The following ADCY2 variants were observed in gnomAD, a reference collection of about 807,000 sequenced individuals.
The protein encoded by ADCY2 is adenylate cyclase type 2.
ADCY2 carries 31 observed loss-of-function variants against 125.2 expected under a neutral mutation model. The observed-to-expected ratio is 0.25, with a 90% CI of 0.19 to 0.33. The LOEUF (loss-of-function observed/expected upper bound fraction) is 0.33, where lower values mean the gene tolerates loss of function less well. Ranked by LOEUF, ADCY2 falls within the 10% of genes least tolerant of loss-of-function variation. ADCY2 has a pLI of 1.00. For synonymous variants in ADCY2, 512 were observed against 548.4 expected (o/e 0.93, Z 0.93); for missense variants, 904 against 1,418.2 (o/e 0.64, Z 5.82).
chr5:7,653,536 A>C (rs1739175142), intron 4 of ADCY2, among the ~76,000 whole-genome samples: 1 of 151,588 alleles, frequency 6.6e-6, no homozygotes, highest in Non-Finnish European at 1.5e-5. Flanking sequence ...TGAACCCGGG[A>C]GGTGGAGCTT....
chr5:7,592,999 A>G (rs1736898536), intron 3 of ADCY2, among the ~76,000 whole-genome samples: 1 of 152,124 alleles, frequency 6.6e-6, no homozygotes, highest in African/African-American at 2.4e-5. Flanking sequence ...GTTTTATGTT[A>G]CTCACGTTTT....
intron 24 of ADCY2, among the ~76,000 whole-genome samples, chr5:7,824,971 C>T (rs1356706792): frequency 1.3e-5 from 2 of 152,228 alleles, no homozygotes; most frequent in African/African-American, 2.4e-5. Context: ...CACCTTTGCA[C>T]CTTCCCCGGG....
intron 2 of ADCY2, among the ~76,000 whole-genome samples, chr5:7,444,362 G>A (rs911809691): frequency 5.9e-5 from 9 of 151,990 alleles, no homozygotes; most frequent in African/African-American, 1.9e-4. Flanking sequence ...TGATCCTCCC[G>A]CCTCGGCCTC....
intron 12 of ADCY2, among the ~76,000 whole-genome samples, chr5:7,718,719 ACCAGGGCCAATGCTCTGTTTTG>A (rs1418023720): frequency 6.6e-6 from 1 of 152,154 alleles, no homozygotes; most frequent in Non-Finnish European, 1.5e-5. Context: ...CACTGGCAGC[ACCAGGGCCAATGCTCTGTTTTG>A]CCTGGCACTA....
chr5:7,583,470 CACCAA>C (rs1425784258), intron 3 of ADCY2, among the ~76,000 whole-genome samples: 1 of 151,870 alleles, frequency 6.6e-6, no homozygotes, highest in Non-Finnish European at 1.5e-5. Flanking sequence ...CATAAGGATC[CACCAA>C]TAGATCAATG....
intron 15 of ADCY2, among the ~76,000 whole-genome samples, chr5:7,751,505 C>T (rs1157608435): frequency 1.3e-5 from 2 of 152,100 alleles, no homozygotes; most frequent in African/African-American, 2.4e-5. Flanking sequence ...CTGCCATAGC[C>T]CCAAGGATTT....
At chr5:7,768,793 CTA>C (rs1743471739) in intron 17 of ADCY2, among the ~76,000 whole-genome samples, 1 of 152,172 alleles carries the variant, frequency 6.6e-6, no homozygotes, top group African/African-American at 2.4e-5. Context: ...AGTAAACAGG[CTA>C]CTATCTTTCC....
chr5:7,409,967 A>G lies in ADCY2; in HGVS notation c.211-4606A>G, dbSNP rs182307301. On this transcript the variant is annotated intron_variant, in intron 1 of 24. Transcript: ENST00000338316. ...AGATAAGAATAAAAATTGTCTATCT[A>G]TTTATCTATATACATATGAAAAACT... 7.3e-4 allele frequency among the ~76,000 whole-genome samples: 111 copies of G among 152,340 alleles called. 1 individual carries two copies. The highest frequency in any genetic ancestry group is 1.6e-4 in the Non-Finnish European group (11 of 68,034).
At chr5:7,491,643 C>T (rs1743168590) in intron 2 of ADCY2, among the ~76,000 whole-genome samples, 1 of 151,924 alleles carries the variant, frequency 6.6e-6, no homozygotes, top group Admixed American at 6.6e-5. Context: ...AGAACATAAG[C>T]CATTGATATT....
Position 7,802,192 on chromosome 5 carries a change from T to C in ADCY2, c.2629-26T>C. 6.2e-7 allele frequency: 1 copy of C among 1,611,256 alleles called. No homozygotes were observed. The highest frequency in any genetic ancestry group is 8.5e-7 in the Non-Finnish European group (1 of 1,179,148). On this transcript the variant is annotated intron_variant, in intron 20 of 24. Coordinates refer to ENST00000338316, the MANE Select transcript of ADCY2 (RefSeq NM_020546.3). This position sits in a 1 kb window ranked among gnomAD's most constrained non-coding sequence, Gnocchi z 4.6. ...TGTTTAAAGGTCAGTCTCCTAGTGA[T>C]CAGCTCTTGCTTTTCTCCCAAGCAG...
At chr5:7,520,140 G>A (rs962730674) in intron 2 of ADCY2, among the ~76,000 whole-genome samples, 3 of 152,142 alleles carry the variant, frequency 2.0e-5, no homozygotes, top group Non-Finnish European at 2.9e-5. Flanking sequence ...GTTTCAGTAC[G>A]TGTTTTCAAT....
intron 4 of ADCY2, among the ~76,000 whole-genome samples, chr5:7,667,056 AGAT>A (rs1344772509): frequency 6.6e-6 from 1 of 152,132 alleles, no homozygotes; most frequent in Non-Finnish European, 1.5e-5. Context: ...GTATATCAAG[AGAT>A]GGATGGATGA....
chr5:7,821,537 T>C (rs1356898732), intron 24 of ADCY2, among the ~76,000 whole-genome samples: 1 of 152,180 alleles, frequency 6.6e-6, no homozygotes, highest in Non-Finnish European at 1.5e-5. Flanking sequence ...CGTCCTGTGC[T>C]CCTCCCACGT....
intron 20 of ADCY2, chr5:7,799,894 G>A (rs1449653409): frequency 2.0e-5 from 3 of 152,114 alleles, no homozygotes; most frequent in Non-Finnish European, 2.9e-5. Flanking sequence ...GATCCAAACT[G>A]CCCATCAGTT....
chr5:7,780,481 A>G (rs1243885703), intron 18 of ADCY2, among the ~76,000 whole-genome samples: 1 of 152,192 alleles, frequency 6.6e-6, no homozygotes, highest in Admixed American at 6.5e-5. Context: ...TTAGCTGAAG[A>G]CCATGAGGAT....
At chr5:7,678,620 G>A (rs962139244) in intron 4 of ADCY2, among the ~76,000 whole-genome samples, 1 of 152,150 alleles carries the variant, frequency 6.6e-6, no homozygotes, top group African/African-American at 2.4e-5. Flanking sequence ...GTGTTCAACA[G>A]TAACCAAAAA....
At chr5:7,665,555 G>A (rs1475990508) in intron 4 of ADCY2, among the ~76,000 whole-genome samples, 6 of 152,106 alleles carry the variant, frequency 3.9e-5, no homozygotes, top group East Asian at 1.9e-4. Flanking sequence ...CTTCATCATC[G>A]TGCCCCACAA....
At chr5:7,736,791 C>T (rs1291498330) in intron 14 of ADCY2, among the ~76,000 whole-genome samples, 3 of 151,884 alleles carry the variant, frequency 2.0e-5, no homozygotes, top group African/African-American at 4.8e-5. Context: ...TACAAGAATC[C>T]ATTATTTAAA....
intron 5 of ADCY2, 138 bp from the exon 6 acceptor site, chr5:7,695,614 C>A (rs1740865419): frequency 6.7e-6 from 3 of 447,488 alleles, no homozygotes; most frequent in Non-Finnish European, 1.2e-5. Flanking sequence ...TATTCTTAAT[C>A]TGAGAAAATG....
Sources: allele counts gnomAD v4.1 joint callset (sites outside exome capture counted in the v4.1 genomes callset), GRCh38; gene constraint gnomAD v4.1.1; non-coding constraint Gnocchi (gnomAD v3.1); transcripts MANE v1.5; gene names NCBI Gene and HGNC (gene_info 2026-07-23, HGNC 2026-07-21).